The following CPNE7 variants were observed in gnomAD, a reference collection of about 807,000 sequenced individuals.
CPNE7 encodes copine 7.
In CPNE7, 78 loss-of-function variants were observed where a neutral mutation model predicts 66.5. The ratio of observed to expected loss-of-function variants is 1.17; its 90% CI spans 0.98 to 1.42. The LOEUF (loss-of-function observed/expected upper bound fraction) is 1.42. CPNE7 is among the 40% of genes most tolerant of loss of function. CPNE7 has a pLI of 0.00. For missense variants in CPNE7, 1,012 were observed against 776.6 expected (o/e 1.30, Z -3.60); for synonymous variants, 468 against 336.7 (o/e 1.39, Z -4.27).
chr16:89,577,006 C>T (rs1409412912), intron 1 of CPNE7, among the ~76,000 whole-genome samples: 1 of 152,224 alleles, frequency 6.6e-6, no homozygotes, highest in African/African-American at 2.4e-5. Context: ...GTGAGCTGTA[C>T]GGGTGGCCCA....
chr16:89,587,573 A>C (rs1447739535), intron 9 of CPNE7: 4 of 426,930 alleles, frequency 9.4e-6, no homozygotes, highest in African/African-American at 8.3e-5. Flanking sequence ...GTGAACGAGG[A>C]GAAACTGGAG....
chr16:89,586,973 G>C lies in CPNE7; in HGVS notation c.868-70G>C. On this transcript the variant is annotated intron_variant, in intron 8 of 14. Transcript: ENST00000319518. Reference sequence around the variant, plus strand: ...GGACTGGGCTGCCTGCGGGAGGCAGGCCTGGATCCCAGCTGGCACTGGCCT... The same window carrying C: ...GGACTGGGCTGCCTGCGGGAGGCAGCCCTGGATCCCAGCTGGCACTGGCCT... 6.8e-6 allele frequency: 10 copies of C among 1,471,132 alleles called. No individual in the cohort carries two copies. In the South Asian group the frequency reaches 1.2e-4, roughly 18 times the overall value. 91.1% of individuals were successfully genotyped at this position (1,471,132 alleles called of 1,614,324 possible).
In CPNE7 at chr16:89,591,159, T is replaced by C. The variant is rs955288113; in HGVS notation, c.1201T>C (p.Cys401Arg). Residue 401 changes from cysteine (C) to arginine (R), a missense_variant, in exon 13 of 15, where the codon TGC (cysteine) becomes CGC (arginine). Physicochemically the swap from Cys to Arg is radical, Grantham distance 180. Transcript: ENST00000319518. ...GGGCGTGGTGGAGGCCTACCAGAAC[T>C]GCCTGCCCAGGGTCCAGCTCTACGG... ...IQGVVEAYQN[C>R]LPRVQLYGPT... 9 of 1,609,176 alleles carry C rather than the reference T, an allele frequency of 5.6e-6. No homozygotes were observed. In the African/African-American group the frequency reaches 1.2e-4, roughly 21 times the overall value.
intron 1 of CPNE7, among the ~76,000 whole-genome samples, chr16:89,576,489 G>A (rs2058862022): frequency 6.6e-6 from 1 of 152,066 alleles, no homozygotes; most frequent in East Asian, 1.9e-4. Flanking sequence ...GCCGGCGAGG[G>A]AGCGCGCGCT....
chr16:89,583,850 A>T, intron 3 of CPNE7, 79 bp downstream of exon 3: 1 of 1,540,042 alleles, frequency 6.5e-7, no homozygotes, highest in Non-Finnish European at 8.9e-7. Context: ...GAAGATGGGC[A>T]GCAGCGTGCC....
In CPNE7 at chr16:89,591,179, C is replaced by T. The variant is rs2059162737; in HGVS notation, c.1221C>T (p.Leu407=). ...AGAACTGCCTGCCCAGGGTCCAGCT[C>T]TACGGCCCCACCAACGTGGCGCCCA... ...AYQNCLPRVQ[L]YGPTNVAPII... Residue 407 remains leucine, a synonymous_variant, in exon 13 of 15, where the codon CTC becomes CTT. Transcript: ENST00000319518. 1 of 1,603,936 alleles carries T rather than the reference C, an allele frequency of 6.2e-7. No individual in the cohort carries two copies. The highest frequency in any genetic ancestry group is 1.7e-5 in the Admixed American group (1 of 58,122).
At chr16:89,586,915 TGGG>T (rs1436296498) in intron 8 of CPNE7, 125 bp from the exon 9 acceptor site, 2 of 1,094,512 alleles carry the variant, frequency 1.8e-6, no homozygotes, top group African/African-American at 3.2e-5. Context: ...GGAGAGAGGA[TGGG>T]GGAGAGGAGA....
In CPNE7 at chr16:89,579,924, CG is replaced by C. The variant is rs1465221104; in HGVS notation, c.357+2204del. ...CCATCACACGGAACATCCCGTCACC[CG>C]CTGACACAGAACATCTCACCCGTCA... On this transcript the variant is annotated intron_variant, in intron 2 of 14. Coordinates refer to ENST00000319518, the MANE Select transcript of CPNE7 (RefSeq NM_153636.3). 5.4e-5 allele frequency among the ~76,000 whole-genome samples: 3 copies of C among 55,216 alleles called. 1 individual carries two copies. The highest frequency in any genetic ancestry group is 3.4e-4 in the East Asian group (1 of 2,950). 36.2% of individuals were successfully genotyped at this position (55,216 alleles called of 152,430 possible). A position where few individuals can be genotyped will look rare whatever the true frequency, so the allele number is the denominator to read the frequency against.
chr16:89,578,395 T>G (rs2058894217), intron 2 of CPNE7, among the ~76,000 whole-genome samples: 1 of 152,066 alleles, frequency 6.6e-6, no homozygotes, highest in South Asian at 2.1e-4. Flanking sequence ...ATACACAAAT[T>G]ACGTTCCCTG....
intron 9 of CPNE7, 70 bp from the exon 10 acceptor site, chr16:89,588,605 T>C (rs1442631728): frequency 6.3e-7 from 1 of 1,595,738 alleles, no homozygotes; most frequent in Non-Finnish European, 8.5e-7. Flanking sequence ...GGGCGTGGTT[T>C]CTCTACCTGT....
intron 10 of CPNE7, among the ~76,000 whole-genome samples, chr16:89,589,553 C>A (rs74037230): frequency 0.012 from 1,819 of 152,296 alleles, 30 homozygotes; most frequent in African/African-American, 0.038. Context: ...CCCTACAGAC[C>A]TCTCTTTCTG....
At position 89,589,933 on chromosome 16, in the gene CPNE7, G is replaced by C. The variant is rs1214757916; in HGVS notation, c.1098G>C (p.Arg366=). 1 of 1,613,696 alleles carries C rather than the reference G, an allele frequency of 6.2e-7. No homozygotes were observed. Among genetic ancestry groups the C allele is most frequent in the East Asian group, 2.2e-5 (1 of 44,868 alleles). ...KRFSALGFGA[R]IPPKYEVSHD... Reference sequence around the variant, plus strand: ...TTTCCGCTTTGGGGTTTGGAGCCCGGATCCCTCCCAAGTATGAGGTAGGAG... The same window carrying C: ...TTTCCGCTTTGGGGTTTGGAGCCCGCATCCCTCCCAAGTATGAGGTAGGAG... Residue 366 remains arginine (R), a synonymous_variant, in exon 11 of 15, where the codon CGG becomes CGC. Coordinates refer to ENST00000319518, the MANE Select transcript of CPNE7 (RefSeq NM_153636.3).
At position 89,588,679 on chromosome 16, in the gene CPNE7, C is replaced by A. The variant is rs775187094; in HGVS notation, c.932C>A (p.Ala311Asp). The A allele has an allele frequency of 6.2e-7, 1 of 1,613,020 alleles. No individual in the cohort carries two copies. Among genetic ancestry groups the A allele is most frequent in the Non-Finnish European group, 8.5e-7 (1 of 1,179,924 alleles). ...MGGCQIHFTV[A>D]IDFTASNGDP... ...CTGGCTCCCGGCCCACTGCAGGTGG[C>A]CATTGACTTCACCGCCTCCAATGGA... is the stretch of plus-strand genomic sequence containing the variant. Residue 311 changes from alanine to aspartate, a missense_variant, in exon 10 of 15, where the codon GCC becomes GAC. By Grantham distance (126) the Ala-to-Asp change is moderately radical (BLOSUM62 -2). Coordinates refer to ENST00000319518, the MANE Select transcript of CPNE7 (RefSeq NM_153636.3).
chr16:89,596,535 G>A lies in CPNE7; in HGVS notation c.1591G>A (p.Val531Met), dbSNP rs774604393. ...KCVLAEVPKQVVEYYSHRGLP... is the reference protein window; with the variant it reads ...KCVLAEVPKQMVEYYSHRGLP... ...CGTGCTGGCCGAGGTCCCGAAGCAG[G>A]TGGTGGAGTACTACAGCCACAGAGG... Residue 531 changes from valine to methionine, a missense_variant, in exon 15 of 15, where the codon GTG (valine) becomes ATG (methionine). Transcript: ENST00000319518. 5.0e-6 allele frequency: 8 copies of A among 1,610,046 alleles called. No homozygotes were observed. The highest frequency in any genetic ancestry group is 6.8e-6 in the Non-Finnish European group (8 of 1,179,870).
intron 2 of CPNE7, chr16:89,583,420 C>G (rs1205263131): frequency 6.5e-7 from 1 of 1,546,894 alleles, no homozygotes; most frequent in Non-Finnish European, 8.7e-7. Flanking sequence ...TCCACCTGAG[C>G]CTGTTTCCTC....
rs1216684991 is a variant in CPNE7, at chr16:89,584,630, CG to C, written c.508-142del. Reference sequence around the variant, plus strand: ...GCGGGAGGGAGGGACGAGATGCTGTCGGCGGGGACTGGCTGCCTCGTTTTGT... The same window carrying C: ...GCGGGAGGGAGGGACGAGATGCTGTCGCGGGGACTGGCTGCCTCGTTTTGT... On this transcript the variant is annotated intron_variant, in intron 4 of 14. Transcript: ENST00000319518. The surrounding 1 kb of genome is among the most constrained non-coding windows in gnomAD (Gnocchi z 6.0). 7.6e-6 allele frequency: 5 copies of C among 660,202 alleles called. No homozygotes were observed. The highest frequency in any genetic ancestry group is 1.1e-5 in the Non-Finnish European group (4 of 370,082). 40.9% of individuals were successfully genotyped at this position (660,202 alleles called of 1,614,324 possible).
At position 89,584,824 on chromosome 16, in the gene CPNE7, C is replaced by G. The variant is rs768563080; in HGVS notation, c.558C>G (p.Asp186Glu). The G allele has an allele frequency of 1.9e-6, 3 of 1,613,528 alleles. No individual in the cohort carries two copies. The highest frequency in any genetic ancestry group is 2.5e-6 in the Non-Finnish European group (3 of 1,179,964). Residue 186 changes from aspartate (D) to glutamate (E), a missense_variant, in exon 5 of 15, where the codon GAC becomes GAG. Asp to Glu is a conservative substitution (Grantham distance 45, BLOSUM62 2). Coordinates refer to ENST00000319518, the MANE Select transcript of CPNE7 (RefSeq NM_153636.3). This position sits in a 1 kb window ranked among gnomAD's most constrained non-coding sequence, Gnocchi z 6.0. Reference sequence around the variant, plus strand: ...TCCTGGAGCTCTACAGGGTCAACGACGACCAGGGCTTGCAGCTGGTGTACA... The same window carrying G: ...TCCTGGAGCTCTACAGGGTCAACGAGGACCAGGGCTTGCAGCTGGTGTACA... ...DPFLELYRVN[D>E]DQGLQLVYRT... is the part of the protein sequence containing the mutation.
chr16:89,583,241 G>A (rs1335723302), intron 2 of CPNE7, among the ~76,000 whole-genome samples: 1 of 152,138 alleles, frequency 6.6e-6, no homozygotes, highest in Non-Finnish European at 1.5e-5. Context: ...GTGGCTACGT[G>A]GACATGCTGG....
rs2059007900 is a variant in CPNE7 at position 89,584,680 on chromosome 16, G to A, written c.508-94G>A. The A allele has an allele frequency of 1.1e-6, 1 of 875,996 alleles. No individual in the cohort carries two copies. The highest frequency in any genetic ancestry group is 1.8e-6 in the Non-Finnish European group (1 of 540,612). 54.3% of individuals were successfully genotyped at this position (875,996 alleles called of 1,614,324 possible). On this transcript the variant is annotated intron_variant, in intron 4 of 14. Coordinates refer to ENST00000319518, the MANE Select transcript of CPNE7 (RefSeq NM_153636.3). This position sits in a 1 kb window ranked among gnomAD's most constrained non-coding sequence, Gnocchi z 6.0. The stretch of plus-strand genomic sequence containing the variant: ...GTGCCTGAGGAATTAGCGGCTGGTG[G>A]CATGAAGTGAGCCCTGGGAAACGAC...
Sources: allele counts gnomAD v4.1 joint callset (sites outside exome capture counted in the v4.1 genomes callset), GRCh38; gene constraint gnomAD v4.1.1; non-coding constraint Gnocchi (gnomAD v3.1); transcripts MANE v1.5; gene names NCBI Gene and HGNC (gene_info 2026-07-23, HGNC 2026-07-21).